Variants in HEATR1 observed in about 807,000 individuals in gnomAD.
HEATR1 encodes the protein HEAT repeat containing 1.
A neutral mutation model predicts 248.2 loss-of-function variants in HEATR1; 77 were observed. The observed-to-expected ratio is 0.31, with a 90% CI of 0.26 to 0.37. HEATR1 has a LOEUF of 0.37. HEATR1 is among the 10% of genes least tolerant of loss of function. HEATR1 has a pLI of 1.00. For synonymous variants in HEATR1, 897 were observed against 923.1 expected (o/e 0.97, Z 0.51); for missense variants, 2,420 against 2,504.9 (o/e 0.97, Z 0.72).
intron 32 of HEATR1, among the ~76,000 whole-genome samples, chr1:236,562,260 G>T (rs1663149901): frequency 6.6e-6 from 1 of 152,206 alleles, no homozygotes; most frequent in South Asian, 2.1e-4. Context: ...GATTTATGCA[G>T]AGCAATAATC....
intron 41 of HEATR1, 81 bp from the exon 42 acceptor site, chr1:236,554,833 T>A: frequency 8.3e-7 from 1 of 1,205,246 alleles, no homozygotes; most frequent in Non-Finnish European, 1.2e-6. Context: ...AAATCACTAT[T>A]AAAATAACTA....
chr1:236,563,927 T>A (rs1228815638), intron 32 of HEATR1, among the ~76,000 whole-genome samples: 3 of 152,006 alleles, frequency 2.0e-5, no homozygotes, highest in African/African-American at 4.8e-5. Flanking sequence ...TCAGCCTGGG[T>A]AATAGAGCGA....
At position 236,555,208 on chromosome 1, in the gene HEATR1, T is replaced by C. The variant is rs1369649976; in HGVS notation, c.5923+88A>G. 4.0e-5 allele frequency: 54 copies of C among 1,363,974 alleles called. No individual in the cohort carries two copies. The East Asian group carries it at 1.2e-3, about 31-fold the overall frequency. The allele number at this position is 1,363,974 out of a possible 1,614,324, so 84.5% of individuals were successfully genotyped here. A position where few individuals can be genotyped will look rare whatever the true frequency, so the allele number is the denominator to read the frequency against. ...TAGGACTTAAGAACCTCTAAAATCTTGCTTCCAAGCACTAGGTTGTGTCTT... is the reference window on the plus strand; with the variant it reads ...TAGGACTTAAGAACCTCTAAAATCTCGCTTCCAAGCACTAGGTTGTGTCTT... On this transcript the variant is annotated intron_variant, in intron 41 of 44. Transcript: ENST00000366582.
intron 5 of HEATR1, among the ~76,000 whole-genome samples, chr1:236,597,248 A>T (rs530131350): frequency 0.011 from 864 of 81,532 alleles, 4 homozygotes; most frequent in African/African-American, 0.029. Flanking sequence ...ATTTTTATTT[A>T]AAAAAAAATT....
intron 33 of HEATR1, among the ~76,000 whole-genome samples, chr1:236,560,588 A>G (rs189227629): frequency 0.016 from 2,373 of 152,346 alleles, 15 homozygotes; most frequent in Middle Eastern, 0.075. Context: ...AGCAGCTCAC[A>G]TTCCTGGCTG....
intron 17 of HEATR1, among the ~76,000 whole-genome samples, chr1:236,583,952 T>C (rs1443774479): frequency 6.6e-6 from 1 of 152,142 alleles, no homozygotes; most frequent in Non-Finnish European, 1.5e-5. Context: ...GTTAGGTGTT[T>C]AGAAATTATA....
intron 29 of HEATR1, among the ~76,000 whole-genome samples, chr1:236,567,436 C>T (rs531045443): frequency 9.5e-4 from 144 of 152,196 alleles, no homozygotes; most frequent in Non-Finnish European, 1.7e-3. Flanking sequence ...CATGGCTGGG[C>T]GCAGTGGCTC....
intron 3 of HEATR1, chr1:236,602,870 G>C: frequency 3.8e-6 from 1 of 261,164 alleles, no homozygotes; most frequent in Non-Finnish European, 7.4e-6. Flanking sequence ...GTTGCAGTGA[G>C]CCAAGATTTC....
chr1:236,599,005 C>T (rs1450278490), intron 4 of HEATR1, among the ~76,000 whole-genome samples: 1 of 152,242 alleles, frequency 6.6e-6, no homozygotes, highest in African/African-American at 2.4e-5. Flanking sequence ...ATCTTCCTCA[C>T]AACTTTAGTA....
At chr1:236,559,692 C>T in intron 34 of HEATR1, 22 bp downstream of exon 34, 1 of 1,577,196 alleles carries the variant, frequency 6.3e-7, no homozygotes, top group Non-Finnish European at 8.6e-7. Context: ...AACAGTAATT[C>T]CAGGGAGAAA....
chr1:236,561,392 A>G (rs1663128906), intron 32 of HEATR1, 121 bp from the exon 33 acceptor site: 1 of 753,646 alleles, frequency 1.3e-6, no homozygotes, highest in Non-Finnish European at 2.3e-6. Flanking sequence ...GTTTTCTGAC[A>G]TTACAATTTA....
At chr1:236,584,631 A>C (rs2799423) in intron 17 of HEATR1, among the ~76,000 whole-genome samples, 89,337 of 152,040 alleles carry the variant, frequency 0.59, 28,029 homozygotes, top group Non-Finnish European at 0.69. Flanking sequence ...GTAATATTAA[A>C]ATTATTTAAA....
At chr1:236,553,207 A>T (rs1002541490) in intron 43 of HEATR1, among the ~76,000 whole-genome samples, 1 of 152,248 alleles carries the variant, frequency 6.6e-6, no homozygotes, top group Non-Finnish European at 1.5e-5. Context: ...AAAAGACTAT[A>T]GTGTGGATAA....
rs183898273 is a variant in HEATR1 at position 236,572,021 on chromosome 1, C to A, written c.3708-335G>T. On this transcript the variant is annotated intron_variant, in intron 26 of 44. Coordinates refer to ENST00000366582, the MANE Select transcript of HEATR1 (RefSeq NM_018072.6). ...CATACTCAATTTACACACACACATA[C>A]ACAAATCTACGTATATAGAATATAT... Among the ~76,000 whole-genome samples, 658 of 152,190 alleles carry A rather than the reference C, an allele frequency of 4.3e-3. 7 individuals carry two copies. The highest frequency in any genetic ancestry group is 0.015 in the African/African-American group (638 of 41,520).
intron 3 of HEATR1, chr1:236,602,886 T>C (rs1160179757): frequency 3.3e-6 from 1 of 301,472 alleles, no homozygotes; most frequent in African/African-American, 2.2e-5. Flanking sequence ...ATTTCAATAT[T>C]GCACTCCAGC....
chr1:236,572,857 G>A, intron 24 of HEATR1, 29 bp from the exon 25 acceptor site: 1 of 1,562,830 alleles, frequency 6.4e-7, no homozygotes, highest in Non-Finnish European at 8.8e-7. Flanking sequence ...AAGAGTTGAT[G>A]ATATAATCCA....
At chr1:236,585,304 T>G in intron 16 of HEATR1, 88 bp from the exon 17 acceptor site, 1 of 1,065,610 alleles carries the variant, frequency 9.4e-7, no homozygotes, top group Non-Finnish European at 1.3e-6. Context: ...GTATTATGTG[T>G]TTTACATTTA....
At chr1:236,589,436 T>C (rs191987883) in intron 12 of HEATR1, among the ~76,000 whole-genome samples, 110 of 152,332 alleles carry the variant, frequency 7.2e-4, no homozygotes, top group Admixed American at 2.1e-3. Flanking sequence ...TGTTTGTTGT[T>C]TATATATCAA....
chr1:236,566,611 A>C (rs1572037079), intron 30 of HEATR1, 35 bp downstream of exon 30: 1 of 1,443,506 alleles, frequency 6.9e-7, no homozygotes, highest in Non-Finnish European at 9.7e-7. Flanking sequence ...GTGAGAAATC[A>C]CCATTTTCCT....
Sources: gnomAD v4.1 joint callset for allele counts (sites outside exome capture counted in the v4.1 genomes callset) on GRCh38, gnomAD v4.1.1 for gene constraint, MANE v1.5 for transcripts, NCBI Gene and HGNC (gene_info 2026-07-23, HGNC 2026-07-21) for gene names.